Variants in KCNQ1 observed in about 807,000 individuals in gnomAD.
KCNQ1 encodes the protein potassium voltage-gated channel subfamily Q member 1.
Under a neutral mutation model 72.4 loss-of-function variants are expected in KCNQ1, and 49 were observed. The ratio of observed to expected loss-of-function variants is 0.68; its 90% CI spans 0.54 to 0.86. KCNQ1 has a LOEUF of 0.86. Among genes scored for constraint, KCNQ1 ranks in the 40% least tolerant of loss-of-function variants. KCNQ1 has a pLI of 0.00. For synonymous variants in KCNQ1, 450 were observed against 412.6 expected (o/e 1.09, Z -1.10); for missense variants, 790 against 945.1 (o/e 0.84, Z 2.15).
chr11:2,605,008 C>T (rs1448508956), intron 10 of KCNQ1, among the ~76,000 whole-genome samples: 1 of 152,222 alleles, frequency 6.6e-6, no homozygotes, highest in African/African-American at 2.4e-5. Flanking sequence ...TAAGCAGTAT[C>T]TCCTTTTGGG....
At position 2,813,996 on chromosome 11, in the gene KCNQ1, AGAAAT is replaced by A. The variant is rs1382167714; in HGVS notation, c.1795-33769_1795-33765del. 2.0e-5 allele frequency among the ~76,000 whole-genome samples: 3 copies of A among 150,760 alleles called. No individual in the cohort carries two copies. Among genetic ancestry groups the A allele is most frequent in the African/African-American group, 2.5e-5 (1 of 40,274 alleles). Reference sequence around the variant, plus strand: ...GATGGAGGGAAGGAGGGCTGAATAAAGAAATGGATGGATGGATGGATGATGGATGG... The same window carrying A: ...GATGGAGGGAAGGAGGGCTGAATAAAGGATGGATGGATGGATGATGGATGG... On this transcript the variant is annotated intron_variant, in intron 15 of 15. Coordinates refer to ENST00000155840, the MANE Select transcript of KCNQ1 (RefSeq NM_000218.3). The surrounding 1 kb of genome is among the most constrained non-coding windows in gnomAD (Gnocchi z 4.4).
Position 2,661,454 on chromosome 11 carries a change from G to A in KCNQ1, c.1394-507G>A, listed in dbSNP as rs1849954991. On this transcript the variant is annotated intron_variant, in intron 10 of 15. Coordinates refer to ENST00000155840, the MANE Select transcript of KCNQ1 (RefSeq NM_000218.3). This position sits in a 1 kb window ranked among gnomAD's most constrained non-coding sequence, Gnocchi z 5.9. ...GGTTGATGTAGCATCGTGTTTTGAG[G>A]AAGGAGTTCTGTGGCTGCCCCCACC... 3 of 438,830 alleles carry A rather than the reference G, an allele frequency of 6.8e-6. No individual in the cohort carries two copies. Among genetic ancestry groups the A allele is most frequent in the Non-Finnish European group, 1.2e-5 (3 of 249,788 alleles). 27.2% of individuals were successfully genotyped at this position (438,830 alleles called of 1,614,324 possible).
chr11:2,517,261 C>G (rs1326498053), intron 1 of KCNQ1, among the ~76,000 whole-genome samples: 1 of 152,192 alleles, frequency 6.6e-6, no homozygotes. Context: ...GCACACCTGT[C>G]ACCTCTTGGT....
At chr11:2,838,142 T>C (rs1188853520) in intron 15 of KCNQ1, among the ~76,000 whole-genome samples, 14 of 152,184 alleles carry the variant, frequency 9.2e-5, no homozygotes, top group Admixed American at 8.5e-4. Context: ...GGGACCTACT[T>C]CTGAGAAGCA....
chr11:2,735,382 C>A lies in KCNQ1; in HGVS notation c.1515-33462C>A, dbSNP rs972774979. ...GGCCATGGCCGCCCCCACCTCCCCT[C>A]CCGCAAGCTTCTCCCCTTCCTTCAG... On this transcript the variant is annotated intron_variant, in intron 11 of 15. Coordinates refer to ENST00000155840, the MANE Select transcript of KCNQ1 (RefSeq NM_000218.3). The surrounding 1 kb of genome is among the most constrained non-coding windows in gnomAD (Gnocchi z 7.7). Among the ~76,000 whole-genome samples the A allele has an allele frequency of 6.6e-6, 1 of 151,914 alleles. No individual in the cohort carries two copies. The highest frequency in any genetic ancestry group is 1.5e-5 in the Non-Finnish European group (1 of 67,938).
Position 2,515,568 on chromosome 11 carries a change from C to T in KCNQ1, c.387-12360C>T, listed in dbSNP as rs1222731624. Among the ~76,000 whole-genome samples the T allele has an allele frequency of 6.6e-6, 1 of 152,170 alleles. No individual in the cohort carries two copies. Among genetic ancestry groups the T allele is most frequent in the Non-Finnish European group, 1.5e-5 (1 of 68,034 alleles). On this transcript the variant is annotated intron_variant, in intron 1 of 15. Transcript: ENST00000155840. The surrounding 1 kb of genome is among the most constrained non-coding windows in gnomAD (Gnocchi z 4.7). ...GGACCAGGCCTCGCCCAGGCAGAGC[C>T]TCGCCATTTCTGGGGTGGGGGGTGC...
At position 2,828,000 on chromosome 11, in the gene KCNQ1, G is replaced by T. The variant is rs569299683; in HGVS notation, c.1795-19767G>T. ...CACCGGGCACATAGAGGTCTTGAAA[G>T]CTCGAATGTGGGGAGGCCAGCAACA... On this transcript the variant is annotated intron_variant, in intron 15 of 15. Coordinates refer to ENST00000155840, the MANE Select transcript of KCNQ1 (RefSeq NM_000218.3). This position sits in a 1 kb window ranked among gnomAD's most constrained non-coding sequence, Gnocchi z 6.7. Among the ~76,000 whole-genome samples, 1 of 152,312 alleles carries T rather than the reference G, an allele frequency of 6.6e-6. No homozygotes were observed. The highest frequency in any genetic ancestry group is 1.5e-5 in the Non-Finnish European group (1 of 68,028).
chr11:2,688,103 G>A, intron 11 of KCNQ1: 1 of 398,914 alleles, frequency 2.5e-6, no homozygotes, highest in Non-Finnish European at 4.4e-6. Context: ...GTCAGGCAGG[G>A]GACCTGGTGG....
chr11:2,700,852 C>T (rs1053307664), intron 11 of KCNQ1, among the ~76,000 whole-genome samples: 5 of 151,996 alleles, frequency 3.3e-5, no homozygotes, highest in Middle Eastern at 3.4e-3. Context: ...GCGCCGCTGG[C>T]GCGCGCCTTC....
intron 1 of KCNQ1, among the ~76,000 whole-genome samples, chr11:2,501,339 AG>A (rs920775315): frequency 2.0e-5 from 3 of 148,326 alleles, no homozygotes; most frequent in African/African-American, 7.5e-5. Context: ...AGACAAAAAA[AG>A]GAGACATTAC....
At chr11:2,506,945 C>T (rs1454116050) in intron 1 of KCNQ1, among the ~76,000 whole-genome samples, 2 of 152,086 alleles carry the variant, frequency 1.3e-5, no homozygotes, top group African/African-American at 4.8e-5. Flanking sequence ...ATTTTTAAGT[C>T]ATTTATATTG....
At position 2,772,679 on chromosome 11, in the gene KCNQ1, A is replaced by T. The variant is rs754866418; in HGVS notation, c.1591-3281A>T. ...CAGGGAGCTCTCTGCTGATAGGCCCACCCAGCCCTGCTCCTGCAGACGTGC... is the reference window on the plus strand; with the variant it reads ...CAGGGAGCTCTCTGCTGATAGGCCCTCCCAGCCCTGCTCCTGCAGACGTGC... On this transcript the variant is annotated intron_variant, in intron 12 of 15. Transcript: ENST00000155840. The surrounding 1 kb of genome is among the most constrained non-coding windows in gnomAD (Gnocchi z 6.6). Among the ~76,000 whole-genome samples, 10 of 152,016 alleles carry T rather than the reference A, an allele frequency of 6.6e-5. No homozygotes were observed. Among genetic ancestry groups the T allele is most frequent in the Non-Finnish European group, 1.2e-4 (8 of 68,000 alleles).
At chr11:2,733,364 A>G (rs908570014) in intron 11 of KCNQ1, among the ~76,000 whole-genome samples, 1 of 151,578 alleles carries the variant, frequency 6.6e-6, no homozygotes, top group Non-Finnish European at 1.5e-5. Flanking sequence ...TGCGACCCCG[A>G]CCCTCACTTT....
chr11:2,730,827 G>A (rs1044279764), intron 11 of KCNQ1, among the ~76,000 whole-genome samples: 2 of 152,202 alleles, frequency 1.3e-5, no homozygotes, highest in African/African-American at 4.8e-5. Context: ...AGGGATGGGG[G>A]ACAGACGCTG....
At chr11:2,584,808 A>C (rs1169966217) in intron 7 of KCNQ1, among the ~76,000 whole-genome samples, 4 of 152,052 alleles carry the variant, frequency 2.6e-5, no homozygotes, top group African/African-American at 9.7e-5. Flanking sequence ...GGTCCTTTGC[A>C]TCCCATCAAC....
rs1849650932 is a variant in KCNQ1, at chr11:2,645,392, C to T, written c.1394-16569C>T. ...GGGAGAAAAGAGGGTGGGACCAGGC[C>T]AGGTGGGCCTGTCCTGAGGCCCTCC... On this transcript the variant is annotated intron_variant, in intron 10 of 15. Coordinates refer to ENST00000155840, the MANE Select transcript of KCNQ1 (RefSeq NM_000218.3). This position sits in a 1 kb window ranked among gnomAD's most constrained non-coding sequence, Gnocchi z 5.8. The T allele has an allele frequency of 5.0e-6, 2 of 398,672 alleles. No homozygotes were observed. The allele number at this position is 398,672 out of a possible 1,614,324, so 24.7% of individuals were successfully genotyped here. A position where few individuals can be genotyped will look rare whatever the true frequency, so the allele number is the denominator to read the frequency against.
chr11:2,660,206 T>A (rs1171544119), intron 10 of KCNQ1: 3 of 398,288 alleles, frequency 7.5e-6, no homozygotes, highest in African/African-American at 6.2e-5. Context: ...TCAGTAAGTT[T>A]GTATGTAGTA....
Position 2,815,236 on chromosome 11 carries a change from G to T in KCNQ1, c.1795-32531G>T, listed in dbSNP as rs775340677. Among the ~76,000 whole-genome samples, 3 of 152,118 alleles carry T rather than the reference G, an allele frequency of 2.0e-5. No homozygotes were observed. The highest frequency in any genetic ancestry group is 7.2e-5 in the African/African-American group (3 of 41,426). On this transcript the variant is annotated intron_variant, in intron 15 of 15. Transcript: ENST00000155840. This position sits in a 1 kb window ranked among gnomAD's most constrained non-coding sequence, Gnocchi z 5.4. ...AACCTGGGCAGCCTTTATTCTCTAG[G>T]GGCCTTGGGGGTGTCTAGGCTGCCA...
In KCNQ1 at chr11:2,471,940, G is replaced by T. The variant is rs559228253; in HGVS notation, c.386+26456G>T. The stretch of plus-strand genomic sequence containing the variant: ...TGTGTGTATAGGCGTGTATGTGTGC[G>T]CGTGTGTAGGTGTGTGTTCATATAT... On this transcript the variant is annotated intron_variant, in intron 1 of 15. Transcript: ENST00000155840. This position sits in a 1 kb window ranked among gnomAD's most constrained non-coding sequence, Gnocchi z 4.8. Among the ~76,000 whole-genome samples the T allele has an allele frequency of 2.0e-5, 3 of 151,480 alleles. No homozygotes were observed. The highest frequency in any genetic ancestry group is 2.0e-4 in the Admixed American group (3 of 15,232).
Sources: gnomAD v4.1 joint callset for allele counts (sites outside exome capture counted in the v4.1 genomes callset) on GRCh38, gnomAD v4.1.1 for gene constraint, Gnocchi (gnomAD v3.1) non-coding constraint, MANE v1.5 for transcripts, NCBI Gene and HGNC (gene_info 2026-07-23, HGNC 2026-07-21) for gene names.